STOX2: variants seen among roughly 807,000 people sequenced by gnomAD.
STOX2 encodes storkhead-box protein 2.
In STOX2, 28 loss-of-function variants were observed where a neutral mutation model predicts 60.9. That is an observed-to-expected ratio of 0.46 (90% confidence interval 0.34 to 0.63). The LOEUF (loss-of-function observed/expected upper bound fraction) is 0.63, where lower values mean the gene tolerates loss of function less well. Among genes scored for constraint, STOX2 ranks in the 30% least tolerant of loss-of-function variants. The pLI is 0.01. For synonymous variants in STOX2, 472 were observed against 463.9 expected (o/e 1.02, Z -0.22); for missense variants, 1,024 against 1,187.7 (o/e 0.86, Z 2.03).
In STOX2 at chr4:183,865,464, C is replaced by T. The variant is rs957264306; in HGVS notation, c.364+67409C>T. On this transcript the variant is annotated intron_variant, in intron 1 of 2. Transcript: ENST00000513034. This position sits in a 1 kb window ranked among gnomAD's most constrained non-coding sequence, Gnocchi z 4.1. Reference sequence around the variant, plus strand: ...GTGTCAGCATCTATGAATAAAAAGCCCGTATTTTCTCTAAATGAGCTTACG... The same window carrying T: ...GTGTCAGCATCTATGAATAAAAAGCTCGTATTTTCTCTAAATGAGCTTACG... Among the ~76,000 whole-genome samples, 11 of 152,092 alleles carry T rather than the reference C, an allele frequency of 7.2e-5. No homozygotes were observed. Among genetic ancestry groups the T allele is most frequent in the Admixed American group, 7.2e-4 (11 of 15,278 alleles).
At chr4:183,805,588 A>AC (rs1223166685) in intron 1 of STOX2, among the ~76,000 whole-genome samples, 2 of 152,186 alleles carry the variant, frequency 1.3e-5, no homozygotes, top group African/African-American at 4.8e-5. Context: ...TGAGGGGATC[A>AC]CTGGAGCCCA....
intron 1 of STOX2, among the ~76,000 whole-genome samples, chr4:183,815,073 T>C (rs1739121370): frequency 6.6e-6 from 1 of 152,114 alleles, no homozygotes; most frequent in Admixed American, 6.5e-5. Flanking sequence ...GATCATAGCT[T>C]GCTGTGGCTG....
At chr4:183,997,957 CCAAA>C (rs1247632745) in intron 1 of STOX2, among the ~76,000 whole-genome samples, 1 of 152,168 alleles carries the variant, frequency 6.6e-6, no homozygotes, top group Admixed American at 6.5e-5. Context: ...GGCAGTGAAA[CCAAA>C]CAAATTGTTT....
chr4:183,862,047 G>C (rs1031643714), intron 1 of STOX2, among the ~76,000 whole-genome samples: 2 of 152,166 alleles, frequency 1.3e-5, no homozygotes, highest in African/African-American at 4.8e-5. Context: ...GGGTTTCCTA[G>C]ATCCCAGGCT....
chr4:183,852,404 G>A (rs866158304), intron 1 of STOX2, among the ~76,000 whole-genome samples: 15 of 60,766 alleles, frequency 2.5e-4, no homozygotes, highest in South Asian at 7.5e-4. Flanking sequence ...AAAGGATGAG[G>A]GAAAGGATGA....
At chr4:183,816,245 A>G (rs1446929272) in intron 1 of STOX2, among the ~76,000 whole-genome samples, 1 of 152,250 alleles carries the variant, frequency 6.6e-6, no homozygotes, top group African/African-American at 2.4e-5. Context: ...GGTGACGTCA[A>G]TAGCAAGGTC....
intron 1 of STOX2, among the ~76,000 whole-genome samples, chr4:183,981,980 C>A (rs1451565358): frequency 6.6e-6 from 1 of 152,164 alleles, no homozygotes; most frequent in Non-Finnish European, 1.5e-5. Context: ...TCTGGAAAAG[C>A]CTTACAGTTG....
intron 1 of STOX2, among the ~76,000 whole-genome samples, chr4:183,823,248 C>A (rs560500489): frequency 6.6e-6 from 1 of 151,962 alleles, no homozygotes; most frequent in East Asian, 1.9e-4. Flanking sequence ...ATACAAAAAT[C>A]AGCTGGGTGT....
rs60432446 is a variant in STOX2 at position 183,968,343 on chromosome 4, T to TACACACACAC, written c.167-32954_167-32945dup. Among the ~76,000 whole-genome samples, 639 of 145,582 alleles carry TACACACACAC rather than the reference T, an allele frequency of 4.4e-3. 6 individuals carry two copies. The highest frequency in any genetic ancestry group is 0.012 in the African/African-American group (482 of 39,670). Reference sequence around the variant, plus strand: ...TTTAACATGCACACATGCATATACCTACACACACACACACACACACACACA... The same window carrying TACACACACAC: ...TTTAACATGCACACATGCATATACCTACACACACACACACACACACACACACACACACACA... On this transcript the variant is annotated intron_variant, in intron 1 of 3. Coordinates refer to ENST00000308497, the MANE Select transcript of STOX2 (RefSeq NM_020225.3).
chr4:183,947,045 A>G (rs926388572), intron 1 of STOX2, among the ~76,000 whole-genome samples: 3 of 150,622 alleles, frequency 2.0e-5, no homozygotes, highest in Non-Finnish European at 3.0e-5. Flanking sequence ...TTTACATCAA[A>G]GGTCTGGACC....
At chr4:183,842,868 G>T (rs908158272) in intron 1 of STOX2, among the ~76,000 whole-genome samples, 1 of 151,456 alleles carries the variant, frequency 6.6e-6, no homozygotes, top group Non-Finnish European at 1.5e-5. Context: ...ATGTTATTCA[G>T]GCCGGGTGTG....
At chr4:183,860,782 GA>G (rs1740420792) in intron 1 of STOX2, among the ~76,000 whole-genome samples, 1 of 152,106 alleles carries the variant, frequency 6.6e-6, no homozygotes, top group Non-Finnish European at 1.5e-5. Context: ...ACACCTTTAT[GA>G]AAAACCCCCT....
intron 1 of STOX2, among the ~76,000 whole-genome samples, chr4:183,977,111 T>C (rs1260723919): frequency 1.3e-5 from 2 of 152,204 alleles, no homozygotes; most frequent in Admixed American, 6.5e-5. Flanking sequence ...TGGTAAAGTC[T>C]GGGCTTTTAG....
intron 1 of STOX2, among the ~76,000 whole-genome samples, chr4:183,952,822 A>G (rs1023580710): frequency 2.0e-5 from 3 of 152,228 alleles, no homozygotes; most frequent in African/African-American, 7.2e-5. Context: ...ACGCAGGTAT[A>G]AAGTGTGGTG....
intron 1 of STOX2, among the ~76,000 whole-genome samples, chr4:183,923,245 G>C (rs184404270): frequency 6.6e-6 from 1 of 152,272 alleles, no homozygotes; most frequent in Non-Finnish European, 1.5e-5. Context: ...ACCCACCAAC[G>C]GTGTACAAGG....
intron 1 of STOX2, among the ~76,000 whole-genome samples, chr4:183,976,326 A>C (rs1732442591): frequency 6.6e-6 from 1 of 152,228 alleles, no homozygotes; most frequent in African/African-American, 2.4e-5. Context: ...ACAAACAAAA[A>C]AAAAGAAAAT....
intron 1 of STOX2, among the ~76,000 whole-genome samples, chr4:183,862,057 T>G (rs2309895): frequency 0.6 from 90,627 of 152,022 alleles, 27,334 homozygotes; most frequent in African/African-American, 0.68. Flanking sequence ...GATCCCAGGC[T>G]CTAGACCACA....
At chr4:183,813,001 A>C (rs1451930458) in intron 1 of STOX2, among the ~76,000 whole-genome samples, 2 of 152,258 alleles carry the variant, frequency 1.3e-5, no homozygotes, top group African/African-American at 4.8e-5. Context: ...AATAATTTGC[A>C]TTTAAAGTCA....
At chr4:183,959,803 G>C (rs113406625) in intron 1 of STOX2, among the ~76,000 whole-genome samples, 3,170 of 152,258 alleles carry the variant, frequency 0.021, 105 homozygotes, top group African/African-American at 0.072. Context: ...TGATGTTCAT[G>C]ATTTGGATTT....
Sources: gnomAD v4.1 joint callset for allele counts (sites outside exome capture counted in the v4.1 genomes callset) on GRCh38, gnomAD v4.1.1 for gene constraint, Gnocchi (gnomAD v3.1) non-coding constraint, MANE v1.5 for transcripts, NCBI Gene and HGNC (gene_info 2026-07-23, HGNC 2026-07-21) for gene names.